TPR: variants seen among roughly 807,000 people sequenced by gnomAD.
TPR encodes nucleoprotein TPR.
Under a neutral mutation model 316.1 loss-of-function variants are expected in TPR, and 51 were observed. That is an observed-to-expected ratio of 0.16 (90% confidence interval 0.13 to 0.20). The LOEUF (loss-of-function observed/expected upper bound fraction) is 0.20, where lower values mean the gene tolerates loss of function less well. TPR is among the 10% of genes least tolerant of loss of function. The probability of loss-of-function intolerance (pLI) is 1.00; values close to 1 mark genes in which losing one functional copy is unlikely to be tolerated. For missense variants in TPR, 2,272 were observed against 2,754.8 expected, an observed-to-expected ratio of 0.82 and a Z score of 3.92; for synonymous variants, 981 against 914.7, an observed-to-expected ratio of 1.07 and a Z score of -1.31.
In TPR at chr1:186,374,866, C is replaced by G; in HGVS notation, c.151+12G>C. On this transcript the variant is annotated intron_variant, in intron 1 of 50. Transcript: ENST00000367478. Reference sequence around the variant, plus strand: ...AGCCCAAAACCAAGGACGGAAAGAGCATCTCACTTACCGCTCTCCACCTTA... The same window carrying G: ...AGCCCAAAACCAAGGACGGAAAGAGGATCTCACTTACCGCTCTCCACCTTA... 1 of 1,586,744 alleles carries G rather than the reference C, an allele frequency of 6.3e-7. No individual in the cohort carries two copies. Among genetic ancestry groups the G allele is most frequent in the Non-Finnish European group, 8.6e-7 (1 of 1,159,372 alleles).
At chr1:186,316,404 G>A (rs751604244) in intron 49 of TPR, among the ~76,000 whole-genome samples, 3 of 152,190 alleles carry the variant, frequency 2.0e-5, no homozygotes, top group Non-Finnish European at 2.9e-5. Context: ...CATCAAAGCA[G>A]CTGAGAATCA....
At chr1:186,321,411 AGAG>A (rs1657772848) in intron 45 of TPR, among the ~76,000 whole-genome samples, 1 of 152,224 alleles carries the variant, frequency 6.6e-6, no homozygotes, top group Non-Finnish European at 1.5e-5. Flanking sequence ...CAACCGTTTA[AGAG>A]GAGTGGTATA....
intron 18 of TPR, among the ~76,000 whole-genome samples, chr1:186,352,545 C>T (rs148565076): frequency 6.6e-6 from 1 of 152,098 alleles, no homozygotes; most frequent in East Asian, 1.9e-4. Context: ...CCCCTCAACC[C>T]CAAGAGTCTG....
intron 43 of TPR, 105 bp downstream of exon 43, chr1:186,323,581 C>A: frequency 9.0e-7 from 1 of 1,110,258 alleles, no homozygotes; most frequent in Non-Finnish European, 1.2e-6. Flanking sequence ...CATGGGATTG[C>A]TAATTTAAAA....
rs180733215 is a variant in TPR, at chr1:186,334,685, C to T, written c.4974-152G>A. The T allele has an allele frequency of 7.7e-5, 64 of 828,062 alleles. No individual in the cohort carries two copies. In the African/African-American group the frequency reaches 1.0e-3, roughly 13 times the overall value. 51.3% of individuals were successfully genotyped at this position (828,062 alleles called of 1,614,324 possible). A position where few individuals can be genotyped will look rare whatever the true frequency, so the allele number is the denominator to read the frequency against. On this transcript the variant is annotated intron_variant, in intron 35 of 50. Coordinates refer to ENST00000367478, the MANE Select transcript of TPR (RefSeq NM_003292.3). Reference sequence around the variant, plus strand: ...TTGAATTTAAGCATTAAAAACTACACAGGGAATGCTCCAGAGTGGTGCATC... The same window carrying T: ...TTGAATTTAAGCATTAAAAACTACATAGGGAATGCTCCAGAGTGGTGCATC...
intron 3 of TPR, among the ~76,000 whole-genome samples, 192 bp downstream of exon 3, chr1:186,370,778 A>G (rs1234712188): frequency 6.6e-6 from 1 of 152,164 alleles, no homozygotes; most frequent in East Asian, 1.9e-4. Context: ...GTTGAATAAA[A>G]GAGATGTCCA....
Position 186,356,349 on chromosome 1 carries a change from G to C in TPR, c.1825C>G (p.Arg609Gly), listed in dbSNP as rs764038270. The C allele has an allele frequency of 3.1e-6, 5 of 1,613,660 alleles. No individual in the cohort carries two copies. The highest frequency in any genetic ancestry group is 1.3e-5 in the African/African-American group (1 of 75,018). Residue 609 changes from arginine (R) to glycine (G), a missense_variant, in exon 15 of 51, where the codon CGT (arginine) becomes GGT (glycine). This residue lies in a region of TPR where 757 missense variants were observed against 859.8 expected (regional missense o/e 0.88). Coordinates refer to ENST00000367478, the MANE Select transcript of TPR (RefSeq NM_003292.3). The part of the protein sequence containing the change: ...HQMQLVDSIV[R>G]QRDMYRILLS... The stretch of plus-strand genomic sequence containing the variant: ...AAAATACGGTACATATCACGCTGAC[G>C]AACTATGGAATCAACAAGCTGCATT...
Position 186,335,052 on chromosome 1 carries a change from A to G in TPR, c.4973+16T>C. The G allele has an allele frequency of 6.2e-7, 1 of 1,609,700 alleles. No individual in the cohort carries two copies. The highest frequency in any genetic ancestry group is 1.1e-5 in the South Asian group (1 of 90,766). On this transcript the variant is annotated intron_variant, in intron 35 of 50. Transcript: ENST00000367478. ...TTAAAAGAAAAATAACAGACTATGA[A>G]ATAACTAAAACTCACATTCCTCTTT... is the stretch of plus-strand genomic sequence containing the variant.
chr1:186,361,035 T>C, intron 9 of TPR, 130 bp from the exon 10 acceptor site: 1 of 967,806 alleles, frequency 1.0e-6, no homozygotes, highest in Non-Finnish European at 1.5e-6. Context: ...CAGCTGACAG[T>C]ATCTATTGAA....
rs781012920 is a variant in TPR at position 186,320,308 on chromosome 1, T to C, written c.6568+4A>G. On this transcript the variant is annotated splice_donor_region_variant and intron_variant, in intron 46 of 50. Coordinates refer to ENST00000367478, the MANE Select transcript of TPR (RefSeq NM_003292.3). ...TCAGGGGATCTAAAGGTTTAACTAT[T>C]TACCTCCTTGAGAAGCAAGCTGGCC... is the stretch of plus-strand genomic sequence containing the variant. 6.2e-7 allele frequency: 1 copy of C among 1,605,894 alleles called. No individual in the cohort carries two copies. The highest frequency in any genetic ancestry group is 8.5e-7 in the Non-Finnish European group (1 of 1,175,426).
intron 50 of TPR, 21 bp downstream of exon 50, chr1:186,314,608 C>A: frequency 6.4e-7 from 1 of 1,571,148 alleles, no homozygotes; most frequent in Non-Finnish European, 8.7e-7. Flanking sequence ...ATCATGTAAT[C>A]CAGTTATGTC....
At position 186,345,619 on chromosome 1, in the gene TPR, T is replaced by C; in HGVS notation, c.3174A>G (p.Leu1058=). The C allele has an allele frequency of 6.2e-7, 1 of 1,613,664 alleles. No individual in the cohort carries two copies. The highest frequency in any genetic ancestry group is 8.5e-7 in the Non-Finnish European group (1 of 1,179,798). Residue 1058 remains leucine, a synonymous_variant, in exon 24 of 51, where the codon TTA becomes TTG. Coordinates refer to ENST00000367478, the MANE Select transcript of TPR (RefSeq NM_003292.3). Reference sequence around the variant, plus strand: ...CACGTCTGGCTTGCTGCTCATTACTTAAAGCTGTGCTTGCTCTCTGAAGAG... The same window carrying C: ...CACGTCTGGCTTGCTGCTCATTACTCAAAGCTGTGCTTGCTCTCTGAAGAG... The part of the protein sequence containing the change: ...QEALQRASTA[L]SNEQQARRDC...
intron 2 of TPR, among the ~76,000 whole-genome samples, chr1:186,372,221 C>T (rs1487141971): frequency 6.6e-6 from 1 of 152,172 alleles, no homozygotes; most frequent in Non-Finnish European, 1.5e-5. Context: ...GTTCCTTCTC[C>T]ATCAATCAAA....
At position 186,362,682 on chromosome 1, in the gene TPR, G is replaced by C. The variant is rs150234796; in HGVS notation, c.696+155C>G. On this transcript the variant is annotated intron_variant, in intron 6 of 50. Coordinates refer to ENST00000367478, the MANE Select transcript of TPR (RefSeq NM_003292.3). Reference sequence around the variant, plus strand: ...TTAAATTCTTTATGTAAACGCAATTGGTTGATTTTTTACGCCAAATGTAAT... The same window carrying C: ...TTAAATTCTTTATGTAAACGCAATTCGTTGATTTTTTACGCCAAATGTAAT... Among the ~76,000 whole-genome samples, 835 of 151,958 alleles carry C rather than the reference G, an allele frequency of 5.5e-3. 8 individuals carry two copies. The highest frequency in any genetic ancestry group is 0.022 in the South Asian group (105 of 4,830).
At chr1:186,352,627 TAC>T (rs1479786759) in intron 18 of TPR, among the ~76,000 whole-genome samples, 6 of 152,198 alleles carry the variant, frequency 3.9e-5, no homozygotes, top group Non-Finnish European at 8.8e-5. Context: ...TACTCATATT[TAC>T]ACACAGATTC....
chr1:186,351,981 T>G lies in TPR; in HGVS notation c.2464A>C (p.Ile822Leu). Reference protein sequence around the residue: ...QNLLLTNLQTIQGILERSETE... With the variant: ...QNLLLTNLQTLQGILERSETE... ...TAGGCTTTTTATTTGGTTACCTGAA[T>G]TGTTTGCAGATTAGTTAGCAGTAAG... Residue 822 changes from isoleucine (I) to leucine (L), a missense_variant, in exon 19 of 51, where the codon ATT (isoleucine) becomes CTT (leucine). Coordinates refer to ENST00000367478, the MANE Select transcript of TPR (RefSeq NM_003292.3). The G allele has an allele frequency of 6.3e-7, 1 of 1,595,298 alleles. No individual in the cohort carries two copies. The highest frequency in any genetic ancestry group is 8.5e-7 in the Non-Finnish European group (1 of 1,174,806).
rs781372334 is a variant in TPR, at chr1:186,355,458, C to T, written c.2123G>A (p.Arg708Gln). 1.2e-5 allele frequency: 19 copies of T among 1,611,986 alleles called. No homozygotes were observed. Among genetic ancestry groups the T allele is most frequent in the Admixed American group, 1.0e-4 (6 of 59,602 alleles). The change falls in exon 17 of 51, where the codon CGA becomes CAA. Residue 708 changes from arginine (R) to glutamine (Q), a missense_variant. Transcript: ENST00000367478. ...EKLQEQVTDL[R>Q]SQNTKISTQL... ...GGTAGAAATTTTGGTATTTTGTGATCGCAAATCTGTAACTTGTTCTTGAAG... is the reference window on the plus strand; with the variant it reads ...GGTAGAAATTTTGGTATTTTGTGATTGCAAATCTGTAACTTGTTCTTGAAG...
chr1:186,352,019 T>C lies in TPR; in HGVS notation c.2426A>G (p.Gln809Arg), dbSNP rs1227460972. 6.2e-7 allele frequency: 1 copy of C among 1,608,434 alleles called. No individual in the cohort carries two copies. Among genetic ancestry groups the C allele is most frequent in the East Asian group, 2.3e-5 (1 of 44,434 alleles). The change falls in exon 19 of 51, where the codon CAA (glutamine) becomes CGA (arginine). Residue 809 changes from glutamine to arginine, a missense_variant. Gln to Arg is a conservative substitution (Grantham distance 43). This residue lies in a region of TPR where 757 missense variants were observed against 859.8 expected (regional missense o/e 0.88). Transcript: ENST00000367478. ...SQQRESLLAEQRGQNLLLTNL... is the reference protein window; with the variant it reads ...SQQRESLLAERRGQNLLLTNL... ...AGTTAGCAGTAAGTTTTGCCCCCTT[T>C]GTTCAGCTAACAAAGACTCTCTTTG...
Position 186,360,455 on chromosome 1 carries a change from C to T in TPR, c.1100-91G>A, listed in dbSNP as rs1350722022. The T allele has an allele frequency of 3.1e-6, 4 of 1,276,684 alleles. No individual in the cohort carries two copies. In the East Asian group the frequency reaches 7.3e-5, roughly 23 times the overall value. The allele number at this position is 1,276,684 out of a possible 1,614,324, so 79.1% of individuals were successfully genotyped here. ...TTCAAGGTAAGTGACATGTACTGTA[C>T]ATTATATAGTAATTCCTATAAAAAT... On this transcript the variant is annotated intron_variant, in intron 10 of 50. Transcript: ENST00000367478.
Sources: allele counts gnomAD v4.1 joint callset (sites outside exome capture counted in the v4.1 genomes callset), GRCh38; gene constraint gnomAD v4.1.1; regional missense constraint gnomAD v4.1.1; transcripts MANE v1.5; gene names NCBI Gene and HGNC (gene_info 2026-07-23, HGNC 2026-07-21).